PARVG: variants seen among roughly 807,000 people sequenced by gnomAD.
PARVG encodes the protein parvin gamma.
A neutral mutation model predicts 44.4 loss-of-function variants in PARVG; 36 were observed. That is an observed-to-expected ratio of 0.81 (90% CI 0.62 to 1.07). The LOEUF is 1.07. Among genes scored for constraint, PARVG ranks in the 50% least tolerant of loss-of-function variants. The probability of loss-of-function intolerance (pLI) is 0.00; values close to 1 mark genes in which losing one functional copy is unlikely to be tolerated. For missense variants in PARVG, 407 were observed against 407.4 expected (o/e 1.00, Z 0.01); for synonymous variants, 170 against 174.1 (o/e 0.98, Z 0.19).
chr22:44,203,960 T>G (rs531542412), intron 12 of PARVG, among the ~76,000 whole-genome samples: 26 of 152,358 alleles, frequency 1.7e-4, no homozygotes, highest in Middle Eastern at 3.4e-3. Context: ...TTCTCCTGCC[T>G]CAGCCTCCCA....
In PARVG at chr22:44,198,677, G is replaced by C; in HGVS notation, c.768G>C (p.Leu256=). The change falls in exon 12 of 14, where the codon CTG becomes CTC. Residue 256 remains leucine (L), a synonymous_variant. Transcript: ENST00000444313. ...TTGGACAACTTGAAGGCTTCTTCCT[G>C]CACTTAAAGGAATTCTACCTCACTC... ...LLIGQLEGFF[L]HLKEFYLTPN... 4.3e-6 allele frequency: 7 copies of C among 1,613,890 alleles called. No homozygotes were observed. Among genetic ancestry groups the C allele is most frequent in the Non-Finnish European group, 5.9e-6 (7 of 1,179,854 alleles).
intron 12 of PARVG, among the ~76,000 whole-genome samples, chr22:44,204,734 G>A (rs73888904): frequency 0.012 from 1,845 of 152,332 alleles, 49 homozygotes; most frequent in African/African-American, 0.042. Context: ...GCTGACCCCC[G>A]GGCTGGGATG....
rs1030492505 is a variant in PARVG at position 44,207,237 on chromosome 22, A to G, written c.*811A>G. ...GGAACCGGGGAGGAGGCTGGCGGGG[A>G]GGGGTGAGATTGGTGGGGAGGGCTG... is the stretch of plus-strand genomic sequence containing the variant. On this transcript the variant is annotated 3_prime_UTR_variant, in exon 14 of 14. Transcript: ENST00000444313. 1 of 55,184 alleles carries G rather than the reference A, an allele frequency of 1.8e-5. No homozygotes were observed. 3.4% of individuals were successfully genotyped at this position (55,184 alleles called of 1,614,324 possible).
At position 44,182,184 on chromosome 22, in the gene PARVG, G is replaced by A. The variant is rs773670053; in HGVS notation, c.-13+267G>A. On this transcript the variant is annotated intron_variant, in intron 2 of 13. Coordinates refer to ENST00000444313, the MANE Select transcript of PARVG (RefSeq NM_022141.7). This position sits in a 1 kb window ranked among gnomAD's most constrained non-coding sequence, Gnocchi z 4.6. ...TCCGTCTCCAGGTGAAGAAACTGAG[G>A]CCCTGGGGCCAGGAAGGGGCTTGCC... Among the ~76,000 whole-genome samples, 31 of 152,240 alleles carry A rather than the reference G, an allele frequency of 2.0e-4. No homozygotes were observed. The highest frequency in any genetic ancestry group is 3.7e-4 in the Non-Finnish European group (25 of 67,990).
intron 9 of PARVG, 153 bp from the exon 10 acceptor site, chr22:44,196,002 A>G (rs1442125624): frequency 3.9e-6 from 3 of 771,756 alleles, no homozygotes; most frequent in Non-Finnish European, 6.3e-6. Flanking sequence ...CAGTGACTCA[A>G]ATCCAGGTCT....
intron 13 of PARVG, 66 bp from the exon 14 acceptor site, chr22:44,206,251 A>G: frequency 8.7e-7 from 1 of 1,150,032 alleles, no homozygotes; most frequent in South Asian, 1.3e-5. Flanking sequence ...AACCTTGACC[A>G]CATCGGGACA....
intron 8 of PARVG, 92 bp downstream of exon 8, chr22:44,192,196 T>C (rs1267023235): frequency 2.1e-6 from 3 of 1,418,596 alleles, no homozygotes; most frequent in Admixed American, 3.8e-5. Flanking sequence ...GCCTGACCTT[T>C]GTGGGAAGGG....
upstream of PARVG, among the ~76,000 whole-genome samples, chr22:44,175,960 A>T (rs1175288198): frequency 6.6e-6 from 1 of 152,212 alleles, no homozygotes; most frequent in Non-Finnish European, 1.5e-5. Flanking sequence ...GACAGCTTTT[A>T]GGAAAGACTG....
In PARVG at chr22:44,189,281, C is replaced by T. The variant is rs371780310; in HGVS notation, c.388+27C>T. 256 of 1,612,014 alleles carry T rather than the reference C, an allele frequency of 1.6e-4. No individual in the cohort carries two copies. The African/African-American group carries it at 2.9e-3, about 18-fold the overall frequency. ...TACGTGGGCCACAACCTGGCTACCC[C>T]TGGGGAGTGTGGGGCCGCTGGGGTC... On this transcript the variant is annotated intron_variant, in intron 6 of 13. Transcript: ENST00000444313.
At chr22:44,183,674 G>A in intron 3 of PARVG, 2 of 443,846 alleles carry the variant, frequency 4.5e-6, no homozygotes, top group Non-Finnish European at 7.9e-6. Context: ...AGCCTTCTGA[G>A]TGCCCCTACT....
At position 44,181,746 on chromosome 22, in the gene PARVG, G is replaced by A; in HGVS notation, c.-184G>A. 1 of 985,440 alleles carries A rather than the reference G, an allele frequency of 1.0e-6. No individual in the cohort carries two copies. Among genetic ancestry groups the A allele is most frequent in the Non-Finnish European group, 1.2e-6 (1 of 829,942 alleles). 61.0% of individuals were successfully genotyped at this position (985,440 alleles called of 1,614,324 possible). ...CCCCCTCGGGCCCTGCCGCAGAGAG[G>A]AGGAAGCTCCTGCCGGCTGAGCGGG... On this transcript the variant is annotated 5_prime_UTR_variant, in exon 2 of 14. Transcript: ENST00000444313.
At chr22:44,202,705 C>T (rs2054726048) in intron 12 of PARVG, among the ~76,000 whole-genome samples, 2 of 152,242 alleles carry the variant, frequency 1.3e-5, no homozygotes, top group African/African-American at 4.8e-5. Flanking sequence ...AACACCAGCC[C>T]TTGCTGAAGG....
chr22:44,175,637 G>C (rs2054311713), intron 1 of PARVG, among the ~76,000 whole-genome samples: 1 of 152,056 alleles, frequency 6.6e-6, no homozygotes, highest in Admixed American at 6.5e-5. Flanking sequence ...CATTCATTGG[G>C]TCAGTGAGTA....
chr22:44,194,709 C>T (rs374861196), intron 9 of PARVG, among the ~76,000 whole-genome samples: 1,688 of 149,022 alleles, frequency 0.011, 25 homozygotes, highest in African/African-American at 0.037. Flanking sequence ...CACCTATCCA[C>T]GCATTCATCC....
chr22:44,196,608 G>GGGA, intron 11 of PARVG, among the ~76,000 whole-genome samples, 193 bp downstream of exon 11: 1 of 152,132 alleles, frequency 6.6e-6, no homozygotes, highest in East Asian at 1.9e-4. Context: ...TGGGATCCCG[G>GGGA]GGGTGGAGGT....
rs199539167 is a variant in PARVG, at chr22:44,205,722, T to C, written c.814-35T>C. 81 of 1,612,498 alleles carry C rather than the reference T, an allele frequency of 5.0e-5. No homozygotes were observed. In the Admixed American group the frequency reaches 9.7e-4, roughly 19 times the overall value. Reference sequence around the variant, plus strand: ...CCAAGGCCTGGCCTGGGGCTGCTGCTTGTGCCCACATCTGATAGGGCCTTG... The same window carrying C: ...CCAAGGCCTGGCCTGGGGCTGCTGCCTGTGCCCACATCTGATAGGGCCTTG... On this transcript the variant is annotated intron_variant, in intron 12 of 13. Transcript: ENST00000444313.
At chr22:44,190,723 T>C in intron 7 of PARVG, 57 bp downstream of exon 7, 1 of 1,441,590 alleles carries the variant, frequency 6.9e-7, no homozygotes, top group East Asian at 2.3e-5. Flanking sequence ...TGGGCCCCCA[T>C]TGCCGTACCC....
intron 4 of PARVG, chr22:44,186,623 G>C (rs973751558): frequency 4.2e-6 from 2 of 471,092 alleles, no homozygotes; most frequent in Non-Finnish European, 8.8e-6. Context: ...ACCATCTGTG[G>C]TCTTGCCCGG....
Position 44,190,487 on chromosome 22 carries a change from CCT to C in PARVG, c.389-62_389-61del. The C allele has an allele frequency of 3.3e-6, 4 of 1,219,284 alleles. No individual in the cohort carries two copies. The Admixed American group carries it at 6.8e-5, about 21-fold the overall frequency. The allele number at this position is 1,219,284 out of a possible 1,614,324, so 75.5% of individuals were successfully genotyped here. A position where few individuals can be genotyped will look rare whatever the true frequency, so the allele number is the denominator to read the frequency against. Reference sequence around the variant, plus strand: ...GATGGTTGTTCTGACAGTGAGGAAGCCTCCATTTGGCTGCACGTTTTGGCGGC... The same window carrying C: ...GATGGTTGTTCTGACAGTGAGGAAGCCCATTTGGCTGCACGTTTTGGCGGC... On this transcript the variant is annotated intron_variant, in intron 6 of 13. Coordinates refer to ENST00000444313, the MANE Select transcript of PARVG (RefSeq NM_022141.7).
Sources: gnomAD v4.1 joint callset for allele counts (sites outside exome capture counted in the v4.1 genomes callset) on GRCh38, gnomAD v4.1.1 for gene constraint, Gnocchi (gnomAD v3.1) non-coding constraint, MANE v1.5 for transcripts, NCBI Gene and HGNC (gene_info 2026-07-23, HGNC 2026-07-21) for gene names.